The following PATJ variants were observed in gnomAD, a reference collection of about 807,000 sequenced individuals.
PATJ encodes inaD-like protein.
Under a neutral mutation model 224.9 loss-of-function variants are expected in PATJ, and 190 were observed. That is an observed-to-expected ratio of 0.84 (90% confidence interval 0.75 to 0.95). The LOEUF (loss-of-function observed/expected upper bound fraction) is 0.95. Ranked by LOEUF, PATJ falls within the 40% of genes least tolerant of loss-of-function variation. The pLI, the probability that PATJ is intolerant of heterozygous loss-of-function variation, is 0.00. For synonymous variants in PATJ, 769 were observed against 820.3 expected (o/e 0.94, Z 1.07); for missense variants, 2,121 against 2,270.3 (o/e 0.93, Z 1.34).
At chr1:61,946,523 G>C (rs1165027575) in intron 27 of PATJ, among the ~76,000 whole-genome samples, 2 of 152,160 alleles carry the variant, frequency 1.3e-5, no homozygotes, top group Admixed American at 6.5e-5. Context: ...CCAGGAAGAA[G>C]TTGACTCTCT....
chr1:61,852,836 G>C (rs912418175), intron 17 of PATJ, among the ~76,000 whole-genome samples: 1 of 152,086 alleles, frequency 6.6e-6, no homozygotes, highest in Non-Finnish European at 1.5e-5. Context: ...TTTTCCATAG[G>C]GTGGCTGCTG....
intron 14 of PATJ, among the ~76,000 whole-genome samples, chr1:61,812,825 G>A (rs1655142408): frequency 6.6e-6 from 1 of 151,854 alleles, no homozygotes; most frequent in Admixed American, 6.6e-5. Context: ...CTCCAGCCTG[G>A]GCAATACAGC....
intron 35 of PATJ, 106 bp from the exon 36 acceptor site, chr1:62,116,426 G>A: frequency 2.3e-6 from 3 of 1,314,562 alleles, no homozygotes; most frequent in Non-Finnish European, 3.1e-6. Flanking sequence ...AACAAAACTG[G>A]AAGAAGAAAG....
intron 27 of PATJ, among the ~76,000 whole-genome samples, chr1:61,979,093 G>A: frequency 6.6e-6 from 1 of 152,078 alleles, no homozygotes; most frequent in East Asian, 1.9e-4. Flanking sequence ...TTTAAAACAA[G>A]CATGAGTGTT....
intron 17 of PATJ, among the ~76,000 whole-genome samples, chr1:61,853,670 TGGTTGCC>T: frequency 6.6e-6 from 1 of 152,336 alleles, no homozygotes; most frequent in East Asian, 1.9e-4. Flanking sequence ...TTGTGATTCA[TGGTTGCC>T]AGTGACAAAA....
rs549458671 is a variant in PATJ at position 62,059,172 on chromosome 1, G to A, written c.4125+8114G>A. ...GGACATGCAGATATAGTAGCAGGAA[G>A]TGAAAACCACCAAGTCAGCAGGGGT... On this transcript the variant is annotated intron_variant, in intron 31 of 43. Coordinates refer to ENST00000642238, the MANE Select transcript of PATJ (RefSeq NM_001350145.3). 8.8e-4 allele frequency among the ~76,000 whole-genome samples: 134 copies of A among 152,310 alleles called. 3 individuals carry two copies. In the South Asian group the frequency reaches 0.024, roughly 27 times the overall value.
intron 20 of PATJ, among the ~76,000 whole-genome samples, chr1:61,871,604 C>G (rs1246238990): frequency 1.5e-5 from 2 of 130,922 alleles, no homozygotes; most frequent in Non-Finnish European, 3.1e-5. Flanking sequence ...ACTCTGTCAC[C>G]CAAGCTGGAG....
rs192442409 is a variant in PATJ, at chr1:61,941,435, G to A, written c.3670+13606G>A. Among the ~76,000 whole-genome samples, 19 of 152,242 alleles carry A rather than the reference G, an allele frequency of 1.2e-4. No individual in the cohort carries two copies. The East Asian group carries it at 3.7e-3, about 29-fold the overall frequency. ...GGAGGCTGAGGCAGGCAGATCTCTC[G>A]AGATCAGGAGTTCAAGACCAGCCTG... On this transcript the variant is annotated intron_variant, in intron 27 of 43. Coordinates refer to ENST00000642238, the MANE Select transcript of PATJ (RefSeq NM_001350145.3).
chr1:61,959,427 T>TATATATATA (rs1557944954), intron 27 of PATJ, among the ~76,000 whole-genome samples: 6 of 25,188 alleles, frequency 2.4e-4, no homozygotes, highest in Admixed American at 6.5e-4. Context: ...TATAATATAT[T>TATATATATA]TTTTTTCTTT....
intron 17 of PATJ, among the ~76,000 whole-genome samples, chr1:61,854,169 G>A (rs1273002334): frequency 6.6e-6 from 1 of 152,168 alleles, no homozygotes; most frequent in African/African-American, 2.4e-5. Context: ...AACTTGGCAA[G>A]TTCTTACTTT....
At chr1:61,935,694 G>A (rs981378827) in intron 27 of PATJ, among the ~76,000 whole-genome samples, 1 of 152,014 alleles carries the variant, frequency 6.6e-6, no homozygotes, top group African/African-American at 2.4e-5. Flanking sequence ...AGGAGGCTGG[G>A]GCAGGAGGAT....
chr1:61,752,585 C>T (rs1033148915), intron 1 of PATJ, among the ~76,000 whole-genome samples: 7 of 152,128 alleles, frequency 4.6e-5, no homozygotes, highest in Admixed American at 1.3e-4. Flanking sequence ...CTCGGCCTCC[C>T]GAAGTGCTGG....
At chr1:62,112,682 C>T (rs1663993676) in intron 34 of PATJ, among the ~76,000 whole-genome samples, 1 of 152,180 alleles carries the variant, frequency 6.6e-6, no homozygotes, top group Non-Finnish European at 1.5e-5. Context: ...CTGGACTTAT[C>T]CTTCCCCTCA....
intron 7 of PATJ, among the ~76,000 whole-genome samples, chr1:61,779,560 T>A (rs1647130597): frequency 6.6e-6 from 1 of 152,158 alleles, no homozygotes; most frequent in Admixed American, 6.6e-5. Flanking sequence ...ACCAAAACAG[T>A]CAGCACCACA....
At chr1:62,063,024 G>A (rs1655823614) in intron 31 of PATJ, among the ~76,000 whole-genome samples, 2 of 152,120 alleles carry the variant, frequency 1.3e-5, no homozygotes, top group African/African-American at 4.8e-5. Context: ...GGTCCCACTT[G>A]TCAATTTTTG....
intron 6 of PATJ, among the ~76,000 whole-genome samples, chr1:61,773,925 C>T (rs1646766304): frequency 6.6e-6 from 1 of 151,808 alleles, no homozygotes; most frequent in South Asian, 2.1e-4. Flanking sequence ...TCGAGATCAT[C>T]CTGGCTAACA....
At chr1:61,950,898 G>A (rs767737558) in intron 27 of PATJ, among the ~76,000 whole-genome samples, 7 of 152,102 alleles carry the variant, frequency 4.6e-5, no homozygotes, top group Non-Finnish European at 1.0e-4. Context: ...TGTAAACCTA[G>A]CACTTTGGGA....
chr1:61,938,585 C>A (rs1309317183), intron 27 of PATJ, among the ~76,000 whole-genome samples: 2 of 152,084 alleles, frequency 1.3e-5, no homozygotes, highest in Non-Finnish European at 2.9e-5. Flanking sequence ...TGTGGTGGCT[C>A]ACACCTGTAA....
At chr1:62,122,799 G>A (rs1346610258) in intron 38 of PATJ, among the ~76,000 whole-genome samples, 1 of 151,826 alleles carries the variant, frequency 6.6e-6, no homozygotes, top group Non-Finnish European at 1.5e-5. Flanking sequence ...ACTCCAGCCT[G>A]GGTGACAAAG....
Sources: gnomAD v4.1 joint callset for allele counts (sites outside exome capture counted in the v4.1 genomes callset) on GRCh38, gnomAD v4.1.1 for gene constraint, MANE v1.5 for transcripts, NCBI Gene and HGNC (gene_info 2026-07-23, HGNC 2026-07-21) for gene names.